Variants in MIER1 observed in about 807,000 individuals in gnomAD.
The protein encoded by MIER1 is mesoderm induction early response protein 1.
Under a neutral mutation model 75.7 loss-of-function variants are expected in MIER1, and 40 were observed. The ratio of observed to expected loss-of-function variants is 0.53; its 90% CI spans 0.41 to 0.69. The LOEUF is 0.69. Among genes scored for constraint, MIER1 ranks in the 30% least tolerant of loss-of-function variants. The pLI is 0.00. For synonymous variants in MIER1, 213 were observed against 223.4 expected (o/e 0.95, Z 0.42); for missense variants, 574 against 680.2 (o/e 0.84, Z 1.74).
At chr1:66,981,667 A>C in intron 12 of MIER1, 112 bp from the exon 13 acceptor site, 1 of 768,022 alleles carries the variant, frequency 1.3e-6, no homozygotes, top group Non-Finnish European at 2.1e-6. Flanking sequence ...ACTGGAATGA[A>C]TGTTAAGTGA....
At position 66,958,236 on chromosome 1, in the gene MIER1, T is replaced by C; in HGVS notation, c.501+16T>C. 1 of 1,570,994 alleles carries C rather than the reference T, an allele frequency of 6.4e-7. No homozygotes were observed. The highest frequency in any genetic ancestry group is 8.7e-7 in the Non-Finnish European group (1 of 1,149,742). On this transcript the variant is annotated intron_variant, in intron 5 of 13. Transcript: ENST00000401041. ...GGAAAATAAAGTAAGTCTATATACA[T>C]ATATTTAAGATTGTAGTCTTTATTC...
chr1:66,986,350 A>G lies in MIER1; in HGVS notation c.*1450A>G, dbSNP rs1054307403. 6.3e-7 allele frequency: 1 copy of G among 1,586,348 alleles called. No individual in the cohort carries two copies. The highest frequency in any genetic ancestry group is 8.6e-7 in the Non-Finnish European group (1 of 1,169,306). ...GTAGTTTTATATAGCTGATAGACCA[A>G]CCTATATCCAAACTTTTATAAAATA... is the stretch of plus-strand genomic sequence containing the variant. On this transcript the variant is annotated 3_prime_UTR_variant, in exon 14 of 14. Coordinates refer to ENST00000401041, the MANE Select transcript of MIER1 (RefSeq NM_001077700.3).
At chr1:66,977,421 T>A (rs1194695739) in intron 12 of MIER1, among the ~76,000 whole-genome samples, 1 of 152,142 alleles carries the variant, frequency 6.6e-6, no homozygotes, top group Non-Finnish European at 1.5e-5. Context: ...ACAGTTTTTT[T>A]ATAGAGGAAA....
rs114520890 is a variant in MIER1 at position 66,944,721 on chromosome 1, T to A, written c.194-1429T>A. Reference sequence around the variant, plus strand: ...ACAGCTACTCAAATATTAGATTTTTTTTTATTTATTTTTTATTTTTTAAAG... The same window carrying A: ...ACAGCTACTCAAATATTAGATTTTTATTTATTTATTTTTTATTTTTTAAAG... On this transcript the variant is annotated intron_variant, in intron 3 of 13. Coordinates refer to ENST00000401041, the MANE Select transcript of MIER1 (RefSeq NM_001077700.3). 6.5e-3 allele frequency among the ~76,000 whole-genome samples: 982 copies of A among 152,048 alleles called. 7 individuals are homozygous for A. The highest frequency in any genetic ancestry group is 0.022 in the African/African-American group (903 of 41,512).
At chr1:66,967,935 A>C (rs1373754507) in intron 8 of MIER1, among the ~76,000 whole-genome samples, 1 of 152,188 alleles carries the variant, frequency 6.6e-6, no homozygotes, top group Non-Finnish European at 1.5e-5. Flanking sequence ...TCATATCATC[A>C]GTAAACAGGG....
chr1:66,944,914 CG>C lies in MIER1; in HGVS notation c.194-1234del, dbSNP rs1412794176. Among the ~76,000 whole-genome samples, 5 of 151,840 alleles carry C rather than the reference CG, an allele frequency of 3.3e-5. No individual in the cohort carries two copies. The East Asian group carries it at 9.7e-4, about 29-fold the overall frequency. ...CTAATTTTTAAATTTTTTGTAGAGACGGTGTCTCATTATGTTGCCCAGGCTG... is the reference window on the plus strand; with the variant it reads ...CTAATTTTTAAATTTTTTGTAGAGACGTGTCTCATTATGTTGCCCAGGCTG... On this transcript the variant is annotated intron_variant, in intron 3 of 13. Coordinates refer to ENST00000401041, the MANE Select transcript of MIER1 (RefSeq NM_001077700.3).
chr1:66,938,865 G>C (rs1356852046), intron 2 of MIER1, among the ~76,000 whole-genome samples: 1 of 152,052 alleles, frequency 6.6e-6, no homozygotes, highest in East Asian at 1.9e-4. Context: ...TGCCACAAAA[G>C]AATGAGTCAC....
At chr1:66,967,653 T>G (rs1050884008) in intron 8 of MIER1, among the ~76,000 whole-genome samples, 4 of 152,140 alleles carry the variant, frequency 2.6e-5, no homozygotes, top group Admixed American at 2.6e-4. Flanking sequence ...CATTTTTTTT[T>G]TTTTTGGTGT....
chr1:66,937,430 C>G (rs1570133217), intron 2 of MIER1, among the ~76,000 whole-genome samples: 1 of 151,906 alleles, frequency 6.6e-6, no homozygotes, highest in Admixed American at 6.6e-5. Flanking sequence ...ATTAAAAACA[C>G]AAAAGTTAGC....
At chr1:66,964,827 GTT>G (rs1662052136) in intron 8 of MIER1, among the ~76,000 whole-genome samples, 1 of 152,074 alleles carries the variant, frequency 6.6e-6, no homozygotes, top group African/African-American at 2.4e-5. Context: ...TTTTATTTCA[GTT>G]TTCTTCACAT....
At chr1:66,948,288 T>C (rs900110725) in intron 4 of MIER1, 1 of 879,458 alleles carries the variant, frequency 1.1e-6, no homozygotes, top group African/African-American at 1.8e-5. Context: ...AAATAAGACA[T>C]AGTGCCAGTC....
intron 3 of MIER1, among the ~76,000 whole-genome samples, chr1:66,942,505 C>T (rs974131899): frequency 1.3e-5 from 2 of 152,030 alleles, no homozygotes; most frequent in African/African-American, 4.8e-5. Context: ...GATTTCATGA[C>T]AAAGCAGTCA....
rs777098858 is a variant in MIER1 at position 66,963,182 on chromosome 1, G to C, written c.772+22G>C. 9.6e-6 allele frequency: 14 copies of C among 1,451,222 alleles called. No individual in the cohort carries two copies. In the African/African-American group the frequency reaches 2.0e-4, roughly 20 times the overall value. 89.9% of individuals were successfully genotyped at this position (1,451,222 alleles called of 1,614,324 possible). ...AAAGGTGGGTTATTAGTAAAGTTAC[G>C]TAGCTGAATTTATGCTTTCAGTGTA... is the stretch of plus-strand genomic sequence containing the variant. On this transcript the variant is annotated intron_variant, in intron 8 of 13. Coordinates refer to ENST00000401041, the MANE Select transcript of MIER1 (RefSeq NM_001077700.3).
At chr1:66,955,199 G>A (rs866675241) in intron 4 of MIER1, among the ~76,000 whole-genome samples, 41 of 152,122 alleles carry the variant, frequency 2.7e-4, no homozygotes, top group African/African-American at 9.2e-4. Context: ...TATGTCATAC[G>A]ATAAGCTTTA....
intron 4 of MIER1, chr1:66,946,946 A>G (rs1657791028): frequency 1.0e-6 from 1 of 985,202 alleles, no homozygotes; most frequent in African/African-American, 1.7e-5. Flanking sequence ...TCCGTTACTC[A>G]AGGTTTACAT....
At chr1:66,970,151 A>G (rs1333120687) in intron 8 of MIER1, among the ~76,000 whole-genome samples, 1 of 152,196 alleles carries the variant, frequency 6.6e-6, no homozygotes, top group Non-Finnish European at 1.5e-5. Context: ...TTGAGTTTTA[A>G]TTAGATTTAG....
In MIER1 at chr1:66,930,358, C is replaced by T. The variant is rs374360656; in HGVS notation, c.168+4116C>T. The T allele has an allele frequency of 2.6e-5, 42 of 1,606,758 alleles. No homozygotes were observed. In the African/African-American group the frequency reaches 5.5e-4, roughly 21 times the overall value. Reference sequence around the variant, plus strand: ...GTTCTGGCCGTGACCCAGCTGCGGCCGCCGCGGAGATGTGACCCGGCAGTA... The same window carrying T: ...GTTCTGGCCGTGACCCAGCTGCGGCTGCCGCGGAGATGTGACCCGGCAGTA... On this transcript the variant is annotated intron_variant, in intron 2 of 13. Coordinates refer to ENST00000401041, the MANE Select transcript of MIER1 (RefSeq NM_001077700.3).
chr1:66,930,426 G>A lies in MIER1; in HGVS notation c.168+4184G>A, dbSNP rs556130160. 3.4e-5 allele frequency: 55 copies of A among 1,604,486 alleles called. No homozygotes were observed. In the Admixed American group the frequency reaches 5.7e-4, roughly 17 times the overall value. ...GTAAGGGAGCGAGCTCCCCCTCCCT[G>A]TCCCGGAGCCGGGCGCCCCCGGCCC... is the stretch of plus-strand genomic sequence containing the variant. On this transcript the variant is annotated intron_variant, in intron 2 of 13. Transcript: ENST00000401041.
intron 8 of MIER1, among the ~76,000 whole-genome samples, chr1:66,967,066 T>C (rs1662570046): frequency 6.6e-6 from 1 of 152,142 alleles, no homozygotes; most frequent in Non-Finnish European, 1.5e-5. Context: ...TGGGGTATTA[T>C]TCAGGAAGTC....
Sources: allele counts gnomAD v4.1 joint callset (sites outside exome capture counted in the v4.1 genomes callset), GRCh38; gene constraint gnomAD v4.1.1; transcripts MANE v1.5; gene names NCBI Gene and HGNC (gene_info 2026-07-23, HGNC 2026-07-21).